The following PKD2 variants were observed in gnomAD, a reference collection of about 807,000 sequenced individuals.
PKD2 encodes the protein polycystin 2, transient receptor potential cation channel.
A neutral mutation model predicts 105.9 loss-of-function variants in PKD2; 48 were observed. The ratio of observed to expected loss-of-function variants is 0.45; its 90% CI spans 0.36 to 0.58. The LOEUF (loss-of-function observed/expected upper bound fraction) is 0.58. Among genes scored for constraint, PKD2 ranks in the 20% least tolerant of loss-of-function variants. PKD2 has a pLI of 0.00. For synonymous variants in PKD2, 464 were observed against 481.1 expected, an observed-to-expected ratio of 0.96 and a Z score of 0.46; for missense variants, 1,078 against 1,255.3, an observed-to-expected ratio of 0.86 and a Z score of 2.13.
chr4:88,070,577 TATATA>T (rs1720978599), intron 13 of PKD2, among the ~76,000 whole-genome samples: 1 of 81,150 alleles, frequency 1.2e-5, no homozygotes, highest in Non-Finnish European at 2.2e-5. Flanking sequence ...ATTTATTTTA[TATATA>T]TATATATATA....
intron 10 of PKD2, among the ~76,000 whole-genome samples, chr4:88,063,381 A>G (rs918002160): frequency 4.6e-5 from 7 of 152,134 alleles, no homozygotes; most frequent in Non-Finnish European, 1.0e-4. Context: ...AAAATACAAA[A>G]TTAGCTGAGT....
Position 88,008,343 on chromosome 4 carries a change from C to T in PKD2, c.595+15C>T, listed in dbSNP as rs559555727. The T allele has an allele frequency of 2.5e-4, 377 of 1,512,878 alleles. 3 individuals carry two copies. The East Asian group carries it at 8.2e-3, about 33-fold the overall frequency. 93.7% of individuals were successfully genotyped at this position (1,512,878 alleles called of 1,614,324 possible). On this transcript the variant is annotated intron_variant, in intron 1 of 14. Transcript: ENST00000237596. ...CGGGCTGCGAGGTAAGAGCGCGCGA[C>T]CCGCAGCGGCAGATGCACGAACCAG...
chr4:88,058,029 A>C lies in PKD2; in HGVS notation c.1945A>C (p.Ile649Leu). The change falls in exon 9 of 15, where the codon ATT becomes CTT. Residue 649 changes from isoleucine (I) to leucine (L), a missense_variant. Transcript: ENST00000237596. ...TTTGGGCGATATCAACTTTGCAGAG[A>C]TTGAGGAAGCTAATCGAGTTTTGGG... The part of the protein sequence containing the change: ...IILGDINFAE[I>L]EEANRVLGPI... The C allele has an allele frequency of 6.3e-7, 1 of 1,581,370 alleles. No homozygotes were observed. Among genetic ancestry groups the C allele is most frequent in the Non-Finnish European group, 8.7e-7 (1 of 1,150,220 alleles).
intron 13 of PKD2, 92 bp from the exon 14 acceptor site, chr4:88,074,719 GA>G: frequency 2.2e-6 from 3 of 1,355,764 alleles, no homozygotes; most frequent in Non-Finnish European, 3.2e-6. Flanking sequence ...TGTTGCTTAA[GA>G]AAAAAATCTT....
intron 7 of PKD2, among the ~76,000 whole-genome samples, chr4:88,054,856 G>A (rs2728098): frequency 0.079 from 11,931 of 150,848 alleles, 661 homozygotes; most frequent in East Asian, 0.25. Context: ...GGGTTTCACC[G>A]TGTTAGCCAG....
At chr4:88,043,974 G>C (rs1578134111) in intron 5 of PKD2, among the ~76,000 whole-genome samples, 1 of 152,136 alleles carries the variant, frequency 6.6e-6, no homozygotes, top group African/African-American at 2.4e-5. Context: ...ACAGATCCTG[G>C]GATGTTGCCA....
chr4:88,041,440 G>A (rs1166356184), intron 4 of PKD2, among the ~76,000 whole-genome samples: 1 of 152,178 alleles, frequency 6.6e-6, no homozygotes, highest in Non-Finnish European at 1.5e-5. Flanking sequence ...CATCCTTACA[G>A]CTAAGGTTTA....
At chr4:88,051,663 C>A (rs1192041046) in intron 6 of PKD2, among the ~76,000 whole-genome samples, 1 of 152,106 alleles carries the variant, frequency 6.6e-6, no homozygotes, top group Non-Finnish European at 1.5e-5. Context: ...GAAAGCATTC[C>A]TCTTTGAGTT....
intron 2 of PKD2, among the ~76,000 whole-genome samples, chr4:88,026,653 G>A (rs1047195810): frequency 6.6e-6 from 1 of 152,240 alleles, no homozygotes. Context: ...GAGTTGCCAA[G>A]ACAATGGGGT....
chr4:88,051,161 A>G (rs1260006108), intron 6 of PKD2, among the ~76,000 whole-genome samples: 1 of 151,998 alleles, frequency 6.6e-6, no homozygotes, highest in Non-Finnish European at 1.5e-5. Context: ...GCATATGTGG[A>G]AAGTTGTAGG....
chr4:88,063,843 A>G (rs545248584), intron 10 of PKD2, among the ~76,000 whole-genome samples: 7 of 150,086 alleles, frequency 4.7e-5, no homozygotes, highest in Admixed American at 1.3e-4. Flanking sequence ...ATATTTCACA[A>G]TAATGAAAGT....
Position 88,046,845 on chromosome 4 carries a change from A to G in PKD2, c.1523A>G (p.Asn508Ser), listed in dbSNP as rs373937061. The stretch of plus-strand genomic sequence containing the variant: ...CTACACTATTTCAGGAGTTTCTGGA[A>G]TTGTCTGGATGTTGTGATCGTTGTG... The part of the protein sequence containing the change: ...HKLHYFRSFW[N>S]CLDVVIVVLS... Residue 508 changes from asparagine (N) to serine (S), a missense_variant, in exon 6 of 15, where the codon AAT becomes AGT. Coordinates refer to ENST00000237596, the MANE Select transcript of PKD2 (RefSeq NM_000297.4). 10 of 1,607,466 alleles carry G rather than the reference A, an allele frequency of 6.2e-6. No homozygotes were observed. The African/African-American group carries it at 1.3e-4, about 21-fold the overall frequency.
chr4:88,019,960 T>C (rs1726691772), intron 2 of PKD2, among the ~76,000 whole-genome samples: 1 of 152,238 alleles, frequency 6.6e-6, no homozygotes, highest in Non-Finnish European at 1.5e-5. Context: ...CAATTTAGAA[T>C]TTGGTCAAGT....
In PKD2 at chr4:88,043,443, G is replaced by C. The variant is rs1476431423; in HGVS notation, c.1305G>C (p.Leu435=). 1 of 1,610,394 alleles carries C rather than the reference G, an allele frequency of 6.2e-7. No individual in the cohort carries two copies. The change falls in exon 5 of 15, where the codon CTG becomes CTC. Residue 435 remains leucine, a synonymous_variant. Transcript: ENST00000237596. ...CAGTGTACAACGCCAACATTAACCT[G>C]TTCTGTGTGGTCAGGTGTGTACTGA... is the stretch of plus-strand genomic sequence containing the variant. ...DFSVYNANIN[L]FCVVRLLVEF... is the part of the protein sequence containing the mutation.
intron 10 of PKD2, among the ~76,000 whole-genome samples, chr4:88,063,513 A>G (rs1051845623): frequency 1.3e-5 from 2 of 151,792 alleles, no homozygotes; most frequent in African/African-American, 2.4e-5. Context: ...CCTGGGTAAC[A>G]AGAGCGAAAC....
intron 3 of PKD2, 27 bp from the exon 4 acceptor site, chr4:88,038,224 T>C (rs747025961): frequency 2.4e-5 from 39 of 1,613,614 alleles, no homozygotes; most frequent in Non-Finnish European, 3.0e-5. Flanking sequence ...CTTGGAACTT[T>C]TTCAGAGATG....
intron 1 of PKD2, among the ~76,000 whole-genome samples, chr4:88,018,072 A>T (rs1726620241): frequency 6.6e-6 from 1 of 152,190 alleles, no homozygotes. Flanking sequence ...TGTTTCAGTG[A>T]ACAAACATTC....
At chr4:88,045,365 C>G (rs922975600) in intron 5 of PKD2, among the ~76,000 whole-genome samples, 13 of 152,190 alleles carry the variant, frequency 8.5e-5, no homozygotes, top group Non-Finnish European at 1.9e-4. Context: ...AAAGAAAGAA[C>G]AGGAGAACTG....
intron 2 of PKD2, among the ~76,000 whole-genome samples, chr4:88,030,468 A>G (rs544941683): frequency 1.8e-4 from 27 of 152,354 alleles, no homozygotes; most frequent in African/African-American, 6.5e-4. Context: ...TCTTTAGATA[A>G]TAGGCTGGCA....
Sources: gnomAD v4.1 joint callset for allele counts (sites outside exome capture counted in the v4.1 genomes callset) on GRCh38, gnomAD v4.1.1 for gene constraint, MANE v1.5 for transcripts, NCBI Gene and HGNC (gene_info 2026-07-23, HGNC 2026-07-21) for gene names.